Variants in GRK5 observed in about 807,000 individuals in gnomAD.
The protein encoded by GRK5 is g protein-coupled receptor kinase GRK5.
GRK5 carries 40 observed loss-of-function variants against 78.4 expected under a neutral mutation model. The ratio of observed to expected loss-of-function variants is 0.51; its 90% CI spans 0.40 to 0.66. The LOEUF is 0.66. Among genes scored for constraint, GRK5 ranks in the 30% least tolerant of loss-of-function variants. GRK5 has a pLI of 0.00. For missense variants in GRK5, 598 were observed against 759.9 expected (o/e 0.79, Z 2.50); for synonymous variants, 289 against 296.8 (o/e 0.97, Z 0.27).
At chr10:119,376,979 C>T (rs291977) in intron 2 of GRK5, among the ~76,000 whole-genome samples, 59,875 of 152,010 alleles carry the variant, frequency 0.39, 12,244 homozygotes, top group East Asian at 0.64. Context: ...TGCGCATGCG[C>T]GTGCGTGTGT....
chr10:119,363,784 C>A (rs1263240389), intron 2 of GRK5, among the ~76,000 whole-genome samples: 1 of 152,182 alleles, frequency 6.6e-6, no homozygotes, highest in African/African-American at 2.4e-5. Flanking sequence ...TGTTCACATT[C>A]CATTGGTCAA....
chr10:119,228,707 A>C (rs968053044), intron 1 of GRK5, among the ~76,000 whole-genome samples: 2 of 152,196 alleles, frequency 1.3e-5, no homozygotes, highest in Admixed American at 6.5e-5. Flanking sequence ...GGTTAGGAAA[A>C]CCCAGATTAT....
At chr10:119,419,382 A>T (rs894037798) in intron 4 of GRK5, among the ~76,000 whole-genome samples, 21 of 152,240 alleles carry the variant, frequency 1.4e-4, no homozygotes, top group Non-Finnish European at 2.9e-5. Flanking sequence ...GATGCAAATA[A>T]TAAATGTCCG....
chr10:119,448,658 G>T (rs566767339), intron 13 of GRK5, among the ~76,000 whole-genome samples: 4 of 152,158 alleles, frequency 2.6e-5, no homozygotes, highest in African/African-American at 9.7e-5. Context: ...ACTACATTCA[G>T]TTCATCTTGA....
intron 11 of GRK5, 111 bp downstream of exon 11, chr10:119,442,199 G>A: frequency 1.2e-6 from 1 of 832,610 alleles, no homozygotes; most frequent in Admixed American, 2.0e-5. Context: ...ATGCACTGCT[G>A]ATCACACACA....
intron 9 of GRK5, 93 bp from the exon 10 acceptor site, chr10:119,439,638 A>T: frequency 8.4e-7 from 1 of 1,190,728 alleles, no homozygotes; most frequent in Non-Finnish European, 1.3e-6. Flanking sequence ...GTGGCCACTC[A>T]GGCCTGATTA....
intron 1 of GRK5, among the ~76,000 whole-genome samples, chr10:119,319,503 C>A (rs548734740): frequency 9.8e-4 from 150 of 152,376 alleles, no homozygotes; most frequent in Middle Eastern, 3.4e-3. Context: ...CTCCATGCAA[C>A]CTCTCCTACC....
intron 1 of GRK5, among the ~76,000 whole-genome samples, chr10:119,234,150 C>T (rs1233756722): frequency 6.6e-6 from 1 of 152,210 alleles, no homozygotes; most frequent in Non-Finnish European, 1.5e-5. Flanking sequence ...CATGTCAGAA[C>T]CTCCTTACAG....
At chr10:119,295,575 A>G (rs1440209693) in intron 1 of GRK5, among the ~76,000 whole-genome samples, 2 of 152,194 alleles carry the variant, frequency 1.3e-5, no homozygotes, top group Admixed American at 1.3e-4. Context: ...ATCAATGAGT[A>G]GATAAAGAAA....
At chr10:119,307,298 T>C (rs1850287501) in intron 1 of GRK5, among the ~76,000 whole-genome samples, 1 of 152,058 alleles carries the variant, frequency 6.6e-6, no homozygotes, top group African/African-American at 2.4e-5. Context: ...GGCTGAATCA[T>C]GGTCCCCTAA....
intron 1 of GRK5, among the ~76,000 whole-genome samples, chr10:119,324,631 A>G (rs566363905): frequency 2.6e-4 from 39 of 152,228 alleles, no homozygotes; most frequent in Middle Eastern, 3.4e-3. Context: ...CTCTGTCTCA[A>G]AAAAAGAAAA....
rs879529030 is a variant in GRK5, at chr10:119,412,487, G to C, written c.340-10679G>C. Among the ~76,000 whole-genome samples the C allele has an allele frequency of 7.9e-5, 12 of 152,166 alleles. No individual in the cohort carries two copies. The highest frequency in any genetic ancestry group is 7.2e-4 in the Admixed American group (11 of 15,282). On this transcript the variant is annotated intron_variant, in intron 4 of 15. Transcript: ENST00000392870. The surrounding 1 kb of genome is among the most constrained non-coding windows in gnomAD (Gnocchi z 4.3). ...CAGCTCGTGAGCGTGTGGCCGGACT[G>C]ATTTATTTTTCTCCCCAGTGACCCC...
chr10:119,403,393 C>T (rs1000565816), intron 4 of GRK5, among the ~76,000 whole-genome samples: 1 of 152,152 alleles, frequency 6.6e-6, no homozygotes, highest in East Asian at 1.9e-4. Context: ...TCTCGATCTC[C>T]TGACCTCGTG....
At chr10:119,354,348 A>C (rs1245178813) in intron 2 of GRK5, among the ~76,000 whole-genome samples, 1 of 148,814 alleles carries the variant, frequency 6.7e-6, no homozygotes, top group Non-Finnish European at 1.5e-5. Context: ...TGTACATTAG[A>C]TCTCTAGACT....
At chr10:119,314,399 C>G (rs1850447620) in intron 1 of GRK5, among the ~76,000 whole-genome samples, 1 of 152,190 alleles carries the variant, frequency 6.6e-6, no homozygotes, top group Non-Finnish European at 1.5e-5. Context: ...AGTGGTTCTC[C>G]TCATGTGAAA....
chr10:119,342,981 TC>T (rs1851008826), intron 2 of GRK5, among the ~76,000 whole-genome samples: 1 of 152,052 alleles, frequency 6.6e-6, no homozygotes, highest in Non-Finnish European at 1.5e-5. Context: ...TGATAGCCAA[TC>T]CCAGCCATGA....
chr10:119,249,271 C>CAAAAA (rs1174024770), intron 1 of GRK5, among the ~76,000 whole-genome samples: 1 of 145,340 alleles, frequency 6.9e-6, no homozygotes, highest in Non-Finnish European at 1.5e-5. Context: ...AACTTCGTCT[C>CAAAAA]AAAAAACAAA....
chr10:119,225,444 C>T (rs574699156), intron 1 of GRK5, among the ~76,000 whole-genome samples: 4 of 152,214 alleles, frequency 2.6e-5, no homozygotes, highest in Admixed American at 2.0e-4. Flanking sequence ...GTATTACCTA[C>T]CTTTTAAGGC....
intron 1 of GRK5, among the ~76,000 whole-genome samples, chr10:119,228,635 A>G (rs180955080): frequency 6.6e-6 from 1 of 152,274 alleles, no homozygotes; most frequent in East Asian, 1.9e-4. Context: ...AAAAAAAGAA[A>G]AAAGAATTAT....
Sources: allele counts gnomAD v4.1 joint callset (sites outside exome capture counted in the v4.1 genomes callset), GRCh38; gene constraint gnomAD v4.1.1; non-coding constraint Gnocchi (gnomAD v3.1); transcripts MANE v1.5; gene names NCBI Gene and HGNC (gene_info 2026-07-23, HGNC 2026-07-21).